Variants in TRA2B observed in about 807,000 individuals in gnomAD.
The protein encoded by TRA2B is transformer-2 protein homolog beta.
Under a neutral mutation model 41.7 loss-of-function variants are expected in TRA2B, and 14 were observed. The observed-to-expected ratio is 0.34, with a 90% CI of 0.22 to 0.53. The LOEUF (loss-of-function observed/expected upper bound fraction) is 0.53. Ranked by LOEUF, TRA2B falls within the 20% of genes least tolerant of loss-of-function variation. The pLI is 0.95. For missense variants in TRA2B, 167 were observed against 396.8 expected (o/e 0.42, Z 4.92); for synonymous variants, 130 against 128.8 (o/e 1.01, Z -0.06).
Position 185,914,651 on chromosome 3 carries a change from A to G in TRA2B, c.*3064T>C, listed in dbSNP as rs1311509988. On this transcript the variant is annotated 3_prime_UTR_variant, in exon 9 of 9. Transcript: ENST00000453386. ...CAATAATCCTTTACATTACTGTAGTAGCATTCTGGCTTTTTGATGACATTT... is the reference window on the plus strand; with the variant it reads ...CAATAATCCTTTACATTACTGTAGTGGCATTCTGGCTTTTTGATGACATTT... Among the ~76,000 whole-genome samples the G allele has an allele frequency of 1.3e-5, 2 of 152,194 alleles. No individual in the cohort carries two copies. The highest frequency in any genetic ancestry group is 4.8e-5 in the African/African-American group (2 of 41,446).
intron 3 of TRA2B, 95 bp from the exon 4 acceptor site, chr3:185,924,079 C>A: frequency 9.4e-7 from 1 of 1,069,246 alleles, no homozygotes; most frequent in Non-Finnish European, 1.3e-6. Context: ...ATGTCACTAA[C>A]AAGAAAAGTA....
chr3:185,917,778 T>C, intron 8 of TRA2B, 53 bp from the exon 9 acceptor site: 9 of 1,571,508 alleles, frequency 5.7e-6, no homozygotes, highest in Non-Finnish European at 7.9e-6. Flanking sequence ...AATTATCAAG[T>C]ATACTTTAAT....
chr3:185,927,364 C>A (rs987531539), intron 1 of TRA2B: 5 of 152,238 alleles, frequency 3.3e-5, no homozygotes, highest in Non-Finnish European at 5.9e-5. Context: ...CCCTAAAAAA[C>A]TGAAAGCAAC....
Position 185,917,657 on chromosome 3 carries a change from A to T in TRA2B, c.*58T>A. The T allele has an allele frequency of 6.3e-7, 1 of 1,594,100 alleles. No individual in the cohort carries two copies. The highest frequency in any genetic ancestry group is 8.6e-7 in the Non-Finnish European group (1 of 1,165,238). On this transcript the variant is annotated 3_prime_UTR_variant, in exon 9 of 9. Coordinates refer to ENST00000453386, the MANE Select transcript of TRA2B (RefSeq NM_004593.3). Reference sequence around the variant, plus strand: ...ACTTTTTAAACAAGAGACAATAAAAAATATTGCCCACAAACAATATCCCAG... The same window carrying T: ...ACTTTTTAAACAAGAGACAATAAAATATATTGCCCACAAACAATATCCCAG...
rs941966906 is a variant in TRA2B at position 185,915,486 on chromosome 3, C to A, written c.*2229G>T. 5.3e-5 allele frequency among the ~76,000 whole-genome samples: 8 copies of A among 152,126 alleles called. No homozygotes were observed. The highest frequency in any genetic ancestry group is 1.0e-4 in the Non-Finnish European group (7 of 68,014). On this transcript the variant is annotated 3_prime_UTR_variant, in exon 9 of 9. Transcript: ENST00000453386. Reference sequence around the variant, plus strand: ...AGGGGTTACCTACGGGTAACTGCTGCCTCCCTTTCATGAAACTGGCGACTA... The same window carrying A: ...AGGGGTTACCTACGGGTAACTGCTGACTCCCTTTCATGAAACTGGCGACTA...
Position 185,925,573 on chromosome 3 carries a change from G to A in TRA2B, c.224C>T (p.Ser75Phe). Residue 75 changes from serine to phenylalanine, a missense_variant, in exon 3 of 9, where the codon TCC becomes TTC. Physicochemically the swap from Ser to Phe is radical, Grantham distance 155 (BLOSUM62 -2). Around this residue, in one of 5 missense-constraint regions of TRA2B, gnomAD observed 94 missense variants for 133.4 expected, o/e 0.70. Transcript: ENST00000453386. The part of the protein sequence containing the change: ...RRHYTRSRSR[S>F]RSHRRSRSRS... ...GCTACGTGATCGTCTATGGGAGCGG[G>A]AGCGAGACCGTGACCGGGTATAATG... 3 of 1,614,166 alleles carry A rather than the reference G, an allele frequency of 1.9e-6. No homozygotes were observed. The highest frequency in any genetic ancestry group is 2.5e-6 in the Non-Finnish European group (3 of 1,180,026).
intron 1 of TRA2B, among the ~76,000 whole-genome samples, chr3:185,934,255 A>T (rs1019909741): frequency 6.6e-6 from 1 of 152,214 alleles, no homozygotes; most frequent in Admixed American, 6.5e-5. Flanking sequence ...ACACAGCTGT[A>T]GCTCTGCCCT....
At chr3:185,925,264 T>C (rs961446535) in intron 3 of TRA2B, 200 bp downstream of exon 3, 3 of 560,816 alleles carry the variant, frequency 5.3e-6, no homozygotes, top group African/African-American at 1.9e-5. Flanking sequence ...GTGTCAGTAT[T>C]ATGCTTAATT....
chr3:185,936,327 C>T (rs1421595945), intron 1 of TRA2B: 13 of 985,198 alleles, frequency 1.3e-5, no homozygotes, highest in Non-Finnish European at 1.3e-5. Context: ...GAGCTCAATC[C>T]CAACTTTCTT....
chr3:185,936,671 A>G (rs1396844606), intron 1 of TRA2B: 4 of 969,394 alleles, frequency 4.1e-6, no homozygotes, highest in Non-Finnish European at 4.8e-6. Flanking sequence ...CTTAGGTAAC[A>G]AATTGTTTTT....
Position 185,926,842 on chromosome 3 carries a change from A to G in TRA2B, c.37-108T>C, listed in dbSNP as rs1345342566. The stretch of plus-strand genomic sequence containing the variant: ...AGGGACAGCAATCCCCTTCCAAGAT[A>G]AGAAAATATAGGTAAGGGCAGGAAC... On this transcript the variant is annotated intron_variant, in intron 1 of 8. Coordinates refer to ENST00000453386, the MANE Select transcript of TRA2B (RefSeq NM_004593.3). The G allele has an allele frequency of 1.2e-5, 17 of 1,365,672 alleles. No homozygotes were observed. In the East Asian group the frequency reaches 4.2e-4, roughly 34 times the overall value. The allele number at this position is 1,365,672 out of a possible 1,614,324, so 84.6% of individuals were successfully genotyped here.
At chr3:185,937,489 GGA>G in intron 1 of TRA2B, 1 of 1,076,824 alleles carries the variant, frequency 9.3e-7, no homozygotes, top group Non-Finnish European at 1.1e-6. Flanking sequence ...GACCTTCGCA[GGA>G]GAGCAACGCC....
chr3:185,935,753 G>T (rs115166606), intron 1 of TRA2B: 25 of 985,274 alleles, frequency 2.5e-5, no homozygotes, highest in Non-Finnish European at 4.8e-6. Context: ...TGGAAGCCTA[G>T]ACACGTGTTT....
rs975404244 is a variant in TRA2B at position 185,934,700 on chromosome 3, G to C, written c.36+3125C>G. 3.4e-5 allele frequency: 33 copies of C among 985,054 alleles called. No individual in the cohort carries two copies. In the African/African-American group the frequency reaches 5.4e-4, roughly 16 times the overall value. 61.0% of individuals were successfully genotyped at this position (985,054 alleles called of 1,614,324 possible). The stretch of plus-strand genomic sequence containing the variant: ...TTTCAGTTTTGAAAATTAGAATTTA[G>C]AGTTTAGGAGCTAAAACCAAGGAAT... On this transcript the variant is annotated intron_variant, in intron 1 of 8. Transcript: ENST00000453386.
At chr3:185,937,778 C>T in intron 1 of TRA2B, 47 bp downstream of exon 1, 4 of 1,613,132 alleles carry the variant, frequency 2.5e-6, no homozygotes, top group Non-Finnish European at 2.5e-6. Flanking sequence ...GAAAAAGATG[C>T]AAGGAGCTAG....
intron 1 of TRA2B, chr3:185,934,922 T>G (rs1744291735): frequency 1.0e-6 from 1 of 985,438 alleles, no homozygotes; most frequent in Non-Finnish European, 1.2e-6. Context: ...AACATTTTCT[T>G]TAACATCTGG....
rs1227360717 is a variant in TRA2B, at chr3:185,915,343, T to C, written c.*2372A>G. Among the ~76,000 whole-genome samples the C allele has an allele frequency of 6.6e-6, 1 of 152,210 alleles. No homozygotes were observed. The highest frequency in any genetic ancestry group is 1.9e-4 in the East Asian group (1 of 5,200). ...CCTACAGCTATAAGAAATGGATTGT[T>C]TGTATTGGCATATAAAAGCCTCCAA... On this transcript the variant is annotated 3_prime_UTR_variant, in exon 9 of 9. Coordinates refer to ENST00000453386, the MANE Select transcript of TRA2B (RefSeq NM_004593.3).
At chr3:185,936,502 T>C (rs1005439555) in intron 1 of TRA2B, 1 of 985,276 alleles carries the variant, frequency 1.0e-6, no homozygotes, top group African/African-American at 1.7e-5. Context: ...GCTCCAAAAT[T>C]ACGCAGGAAA....
chr3:185,934,599 T>A, intron 1 of TRA2B: 3 of 985,400 alleles, frequency 3.0e-6, no homozygotes, highest in Non-Finnish European at 3.6e-6. Flanking sequence ...TCCTCCTATT[T>A]GACAATTCAA....
Sources: gnomAD v4.1 joint callset for allele counts (sites outside exome capture counted in the v4.1 genomes callset) on GRCh38, gnomAD v4.1.1 for gene constraint, gnomAD v4.1.1 regional missense constraint, MANE v1.5 for transcripts, NCBI Gene and HGNC (gene_info 2026-07-23, HGNC 2026-07-21) for gene names.